Variants in HS3ST1 observed in about 807,000 individuals in gnomAD.
HS3ST1 encodes heparan sulfate glucosamine 3-O-sulfotransferase 1.
A neutral mutation model predicts 20.7 loss-of-function variants in HS3ST1; 8 were observed. The ratio of observed to expected loss-of-function variants is 0.39; its 90% CI spans 0.23 to 0.70. The LOEUF (loss-of-function observed/expected upper bound fraction) is 0.70. Among genes scored for constraint, HS3ST1 ranks in the 30% least tolerant of loss-of-function variants. HS3ST1 has a pLI of 0.46. For missense variants in HS3ST1, 436 were observed against 423.4 expected, an observed-to-expected ratio of 1.03 and a Z score of -0.26; for synonymous variants, 205 against 190.4, an observed-to-expected ratio of 1.08 and a Z score of -0.63.
intron 1 of HS3ST1, among the ~76,000 whole-genome samples, chr4:11,424,050 A>G (rs1463825674): frequency 6.6e-6 from 1 of 151,650 alleles, no homozygotes; most frequent in Non-Finnish European, 1.5e-5. Context: ...AAAAAAAAAA[A>G]AAAAAAAACA....
chr4:11,399,853 G>A lies in HS3ST1; in HGVS notation c.153C>T (p.Ala51=), dbSNP rs966585188. 1.3e-5 allele frequency: 21 copies of A among 1,612,792 alleles called. No individual in the cohort carries two copies. In the African/African-American group the frequency reaches 2.3e-4, roughly 17 times the overall value. Residue 51 remains alanine (A), a synonymous_variant, in exon 2 of 2, where the codon GCC becomes GCT. Transcript: ENST00000002596. This position sits in a 1 kb window ranked among gnomAD's most constrained non-coding sequence, Gnocchi z 5.1. The part of the protein sequence containing the change: ...VRDGVAPNGS[A]QQLPQTIIIG... ...TGATGATGGTCTGCGGCAACTGCTG[G>A]GCAGAGCCGTTTGGGGCCACGCCAT...
At chr4:11,404,553 C>A (rs547729736) in intron 1 of HS3ST1, among the ~76,000 whole-genome samples, 2 of 152,198 alleles carry the variant, frequency 1.3e-5, no homozygotes, top group Non-Finnish European at 2.9e-5. Flanking sequence ...AACACACTCT[C>A]CTGAAAGCAA....
At position 11,395,036 on chromosome 4, in the gene HS3ST1, G is replaced by C. The variant is rs1718099017; in HGVS notation, c.*4046C>G. 1 of 152,146 alleles carries C rather than the reference G, an allele frequency of 6.6e-6. No homozygotes were observed. The highest frequency in any genetic ancestry group is 1.5e-5 in the Non-Finnish European group (1 of 68,036). The allele number at this position is 152,146 out of a possible 1,614,324, so 9.4% of individuals were successfully genotyped here. ...GCTTCTCATTGAGTTTAACACATTT[G>C]ACATGCCACTCAGACAAATCTCTTG... On this transcript the variant is annotated 3_prime_UTR_variant, in exon 2 of 2. Transcript: ENST00000002596.
chr4:11,416,764 C>T (rs898418951), intron 1 of HS3ST1, among the ~76,000 whole-genome samples: 2 of 152,200 alleles, frequency 1.3e-5, no homozygotes, highest in Non-Finnish European at 2.9e-5. Flanking sequence ...TTGCATGGCC[C>T]TGCTGAACTC....
intron 1 of HS3ST1, among the ~76,000 whole-genome samples, chr4:11,416,014 G>C (rs894219190): frequency 6.6e-6 from 1 of 152,146 alleles, no homozygotes; most frequent in African/African-American, 2.4e-5. Context: ...CCTAGAACAG[G>C]TGCCTTCCTG....
upstream of HS3ST1, among the ~76,000 whole-genome samples, chr4:11,432,479 A>G (rs1235516074): frequency 6.6e-6 from 1 of 152,186 alleles, no homozygotes; most frequent in African/African-American, 2.4e-5. Context: ...AGTCAAATGT[A>G]TTTTTAAAAG....
At position 11,397,174 on chromosome 4, in the gene HS3ST1, T is replaced by C. The variant is rs1315953159; in HGVS notation, c.*1908A>G. The C allele has an allele frequency of 6.6e-6, 1 of 152,234 alleles. No individual in the cohort carries two copies. The highest frequency in any genetic ancestry group is 1.5e-5 in the Non-Finnish European group (1 of 68,044). The allele number at this position is 152,234 out of a possible 1,614,324, so 9.4% of individuals were successfully genotyped here. On this transcript the variant is annotated 3_prime_UTR_variant, in exon 2 of 2. Coordinates refer to ENST00000002596, the MANE Select transcript of HS3ST1 (RefSeq NM_005114.4). Reference sequence around the variant, plus strand: ...GCTGCAGAGGGAGGCTCTCTGCCTATTGAAAAGTACCATGTCCACCAGGGG... The same window carrying C: ...GCTGCAGAGGGAGGCTCTCTGCCTACTGAAAAGTACCATGTCCACCAGGGG...
chr4:11,418,995 A>G (rs2109600), intron 1 of HS3ST1, among the ~76,000 whole-genome samples: 62,827 of 151,790 alleles, frequency 0.41, 13,534 homozygotes, highest in East Asian at 0.5. Context: ...AGGGAGTGGC[A>G]TGTACCACTC....
intron 1 of HS3ST1, among the ~76,000 whole-genome samples, chr4:11,415,272 G>A (rs1369930535): frequency 6.6e-6 from 1 of 152,170 alleles, no homozygotes; most frequent in Non-Finnish European, 1.5e-5. Flanking sequence ...TCTTGGGTTT[G>A]CATTCTGGGT....
chr4:11,433,334 G>A (rs1719240197), upstream of HS3ST1, among the ~76,000 whole-genome samples: 1 of 152,168 alleles, frequency 6.6e-6, no homozygotes, highest in Non-Finnish European at 1.5e-5. Context: ...AGTATGCACA[G>A]TAAATACAAT....
At chr4:11,427,108 CT>C (rs547496496) in intron 1 of HS3ST1, among the ~76,000 whole-genome samples, 4 of 147,890 alleles carry the variant, frequency 2.7e-5, no homozygotes, top group South Asian at 2.1e-4. Flanking sequence ...CTTTTTTTTT[CT>C]TTTTTTTTTA....
chr4:11,432,415 C>G (rs1719222562), upstream of HS3ST1, among the ~76,000 whole-genome samples: 1 of 152,178 alleles, frequency 6.6e-6, no homozygotes, highest in African/African-American at 2.4e-5. Flanking sequence ...ATAAACTTTC[C>G]AAGTCCTGAT....
chr4:11,410,635 G>A (rs1718597122), intron 1 of HS3ST1, among the ~76,000 whole-genome samples: 1 of 152,282 alleles, frequency 6.6e-6, no homozygotes, highest in East Asian at 1.9e-4. Context: ...GCTTATGCCT[G>A]TAATCCCAGC....
At chr4:11,432,262 C>T (rs1246826067), upstream of HS3ST1, among the ~76,000 whole-genome samples, 2 of 152,102 alleles carry the variant, frequency 1.3e-5, no homozygotes, top group Admixed American at 6.5e-5. Context: ...TTTGTAACCC[C>T]CAGTCTAGTG....
upstream of HS3ST1, among the ~76,000 whole-genome samples, chr4:11,431,843 TG>T (rs2108895242): frequency 6.6e-6 from 1 of 152,268 alleles, no homozygotes; most frequent in South Asian, 2.1e-4. Context: ...ATTTTACAAA[TG>T]GGGAAACGGA....
intron 1 of HS3ST1, among the ~76,000 whole-genome samples, chr4:11,404,794 C>G (rs1162441639): frequency 2.0e-5 from 3 of 152,242 alleles, no homozygotes; most frequent in African/African-American, 4.8e-5. Context: ...TTGGCAAAAG[C>G]AATGATTGCA....
At chr4:11,423,997 A>G (rs970238200) in intron 1 of HS3ST1, among the ~76,000 whole-genome samples, 4 of 147,166 alleles carry the variant, frequency 2.7e-5, no homozygotes, top group Non-Finnish European at 6.0e-5. Context: ...CTTGAAAGTG[A>G]GTAGATTTTA....
chr4:11,399,380 A>G lies in HS3ST1; in HGVS notation c.626T>C (p.Leu209Pro), dbSNP rs774329981. The G allele has an allele frequency of 6.2e-6, 10 of 1,614,018 alleles. No homozygotes were observed. Among genetic ancestry groups the G allele is most frequent in the Middle Eastern group, 3.3e-4 (2 of 6,056 alleles). ...HMQNWLRFFPLRHIHIVDGDR... is the reference protein window; with the variant it reads ...HMQNWLRFFPPRHIHIVDGDR... ...GCCGTCCACAATGTGGATGTGGCGC[A>G]GCGGGAAAAAGCGCAGCCAGTTCTG... The change falls in exon 2 of 2, where the codon CTG becomes CCG. Residue 209 changes from leucine (L) to proline (P), a missense_variant. Leu to Pro is a moderately conservative substitution (Grantham distance 98). Coordinates refer to ENST00000002596, the MANE Select transcript of HS3ST1 (RefSeq NM_005114.4). The surrounding 1 kb of genome is among the most constrained non-coding windows in gnomAD (Gnocchi z 5.1).
At chr4:11,425,619 A>G (rs58739467) in intron 1 of HS3ST1, among the ~76,000 whole-genome samples, 2,602 of 152,348 alleles carry the variant, frequency 0.017, 63 homozygotes, top group African/African-American at 0.06. Context: ...TTACTCAGAC[A>G]TATGCAAACT....
Sources: allele counts gnomAD v4.1 joint callset (sites outside exome capture counted in the v4.1 genomes callset), GRCh38; gene constraint gnomAD v4.1.1; non-coding constraint Gnocchi (gnomAD v3.1); transcripts MANE v1.5; gene names NCBI Gene and HGNC (gene_info 2026-07-23, HGNC 2026-07-21).